The following FAAH2 variants were observed in gnomAD, a reference collection of about 807,000 sequenced individuals.
The protein encoded by FAAH2 is fatty acid amide hydrolase 2.
Under a neutral mutation model 36.9 loss-of-function variants are expected in FAAH2, and 60 were observed. The ratio of observed to expected loss-of-function variants is 1.63; its 90% CI spans 1.32 to 2.02. The LOEUF (loss-of-function observed/expected upper bound fraction) is 2.02, where lower values mean the gene tolerates loss of function less well. Ranked by LOEUF, FAAH2 falls within the 30% of genes most tolerant of loss-of-function variation. The pLI is 0.00. For synonymous variants in FAAH2, 214 were observed against 143.8 expected, an observed-to-expected ratio of 1.49 and a Z score of -3.49; for missense variants, 689 against 397.5, an observed-to-expected ratio of 1.73 and a Z score of -6.23.
chrX:57,288,372 C>T (rs1351539044), intron 1 of FAAH2, among the ~76,000 whole-genome samples: 4 of 57,836 alleles, frequency 6.9e-5, no homozygotes, highest in Admixed American at 5.6e-4. Flanking sequence ...TTTTTTGAGA[C>T]GGAGTCTCGC....
chrX:57,299,899 G>A (rs913576149), intron 2 of FAAH2, among the ~76,000 whole-genome samples: 39 of 111,269 alleles, frequency 3.5e-4, no homozygotes, highest in Non-Finnish European at 6.2e-4. Context: ...CAACTTACAA[G>A]GGATGTGAAG....
chrX:57,378,924 CTTATATA>C (rs1236503633), intron 6 of FAAH2, 138 bp downstream of exon 6: 3 of 671,763 alleles, frequency 4.5e-6, no homozygotes, highest in Non-Finnish European at 6.5e-6. Flanking sequence ...CCTTTATATA[CTTATATA>C]AGTGGATACC....
chrX:57,166,650 G>T, the FAAH2 span, among the ~76,000 whole-genome samples: 1 of 112,167 alleles, frequency 8.9e-6, no homozygotes, highest in African/African-American at 3.2e-5. Flanking sequence ...TTGGTCACTG[G>T]GCTAGCATTT....
chrX:57,473,828 T>G (rs2057214060), intron 10 of FAAH2, among the ~76,000 whole-genome samples: 1 of 111,648 alleles, frequency 9.0e-6, no homozygotes, highest in African/African-American at 3.3e-5. Context: ...TGAAAGTGGT[T>G]ATTCCTGCTT....
At chrX:57,325,085 T>A (rs2053170091) in intron 3 of FAAH2, among the ~76,000 whole-genome samples, 1 of 112,429 alleles carries the variant, frequency 8.9e-6, no homozygotes, top group African/African-American at 3.2e-5. Flanking sequence ...TTTCTGCATC[T>A]ATTGAGATAA....
the FAAH2 span, chrX:57,127,393 A>G: frequency 9.0e-6 from 1 of 111,264 alleles, no homozygotes; most frequent in East Asian, 2.8e-4. Context: ...GGATTAGCAA[A>G]TAACTCCCTA....
chrX:57,242,223 G>A, the FAAH2 span, among the ~76,000 whole-genome samples: 2 of 111,889 alleles, frequency 1.8e-5, no homozygotes, highest in African/African-American at 3.2e-5. Flanking sequence ...CTGGCATCTG[G>A]CAGGTGCCTC....
intron 5 of FAAH2, among the ~76,000 whole-genome samples, chrX:57,345,173 C>CCTTCA (rs1168204863): frequency 9.6e-6 from 1 of 104,678 alleles, no homozygotes; most frequent in African/African-American, 3.5e-5. Context: ...AGGTTTTCTC[C>CCTTCA]CTTCCCTTCC....
At chrX:57,248,310 T>C in the FAAH2 span, among the ~76,000 whole-genome samples, 1 of 112,037 alleles carries the variant, frequency 8.9e-6, no homozygotes, top group East Asian at 2.8e-4. Context: ...TTATCTTAAG[T>C]CATCTGAACC....
chrX:57,378,692 G>C lies in FAAH2; in HGVS notation c.784G>C (p.Ala262Pro). 2 of 1,211,234 alleles carry C rather than the reference G, an allele frequency of 1.7e-6. No individual in the cohort carries two copies. The highest frequency in any genetic ancestry group is 2.2e-6 in the Non-Finnish European group (2 of 895,214). ...AGGTCAGTTTCCCTTGGCTGTGGGA[G>C]CCCAGGAGTTGTTTCTGTGCACTGG... ...NKGQFPLAVGAQELFLCTGPM... is the reference protein window; with the variant it reads ...NKGQFPLAVGPQELFLCTGPM... The change falls in exon 6 of 11, where the codon GCC becomes CCC. Residue 262 changes from alanine to proline, a missense_variant. Physicochemically the swap from Ala to Pro is conservative, Grantham distance 27. Coordinates refer to ENST00000374900, the MANE Select transcript of FAAH2 (RefSeq NM_174912.4).
At chrX:57,345,072 C>T (rs2053784721) in intron 5 of FAAH2, among the ~76,000 whole-genome samples, 1 of 108,448 alleles carries the variant, frequency 9.2e-6, no homozygotes, top group Non-Finnish European at 1.9e-5. Context: ...CAGATTTTGG[C>T]ATCAGGATGC....
chrX:57,458,366 C>T (rs771076106), intron 10 of FAAH2, among the ~76,000 whole-genome samples: 1 of 111,083 alleles, frequency 9.0e-6, no homozygotes, highest in South Asian at 3.8e-4. Flanking sequence ...TGGGCAGGTG[C>T]CCTGTAATCC....
the FAAH2 span, among the ~76,000 whole-genome samples, chrX:57,168,690 G>T: frequency 8.9e-6 from 1 of 111,797 alleles, no homozygotes; most frequent in Non-Finnish European, 1.9e-5. Flanking sequence ...ATCAACTGCA[G>T]TACAGTGCTT....
At chrX:57,302,503 A>G (rs947243662) in intron 2 of FAAH2, among the ~76,000 whole-genome samples, 3 of 111,296 alleles carry the variant, frequency 2.7e-5, no homozygotes, top group Non-Finnish European at 5.7e-5. Flanking sequence ...ACCATTATTT[A>G]CAGCACAGTG....
At chrX:57,474,405 G>C (rs891211370) in intron 10 of FAAH2, among the ~76,000 whole-genome samples, 2 of 110,026 alleles carry the variant, frequency 1.8e-5, no homozygotes, top group African/African-American at 6.6e-5. Context: ...TCCCCTCCCT[G>C]TGTCCATGTG....
At chrX:57,252,563 A>G in the FAAH2 span, among the ~76,000 whole-genome samples, 3 of 112,107 alleles carry the variant, frequency 2.7e-5, no homozygotes, top group South Asian at 1.1e-3. Flanking sequence ...AAGCTTCCAG[A>G]TGAAGAATCA....
At chrX:57,185,501 T>C in the FAAH2 span, among the ~76,000 whole-genome samples, 9 of 99,326 alleles carry the variant, frequency 9.1e-5, no homozygotes, top group African/African-American at 3.4e-4. Flanking sequence ...TGTGTGTGTG[T>C]GTGTGTGTGT....
At chrX:57,442,237 G>A (rs140264957) in intron 8 of FAAH2, among the ~76,000 whole-genome samples, 2 of 110,603 alleles carry the variant, frequency 1.8e-5, no homozygotes, top group African/African-American at 6.6e-5. Flanking sequence ...TTATTGTGTG[G>A]GAGTCTAAGT....
At position 57,447,011 on chromosome X, in the gene FAAH2, T is replaced by C; in HGVS notation, c.1200T>C (p.Gly400=). The C allele has an allele frequency of 8.3e-7, 1 of 1,205,149 alleles. No individual in the cohort carries two copies. Among genetic ancestry groups the C allele is most frequent in the Non-Finnish European group, 1.1e-6 (1 of 890,590 alleles). ...GGGAGTTGATCAAATGGTGCCTGGG[T>C]CTGTCAGTGTACACCATCCCTTCCA... ...PLWELIKWCL[G]LSVYTIPSIG... The change falls in exon 9 of 11, where the codon GGT becomes GGC. Residue 400 remains glycine, a synonymous_variant. Transcript: ENST00000374900.
Sources: gnomAD v4.1 joint callset for allele counts (sites outside exome capture counted in the v4.1 genomes callset) on GRCh38, gnomAD v4.1.1 for gene constraint, MANE v1.5 for transcripts, NCBI Gene and HGNC (gene_info 2026-07-23, HGNC 2026-07-21) for gene names.